Variants in SMG5 observed in about 807,000 individuals in gnomAD.
SMG5 encodes the protein nonsense-mediated mRNA decay factor SMG5.
A neutral mutation model predicts 122.9 loss-of-function variants in SMG5; 53 were observed. The observed-to-expected ratio is 0.43, with a 90% CI of 0.35 to 0.54. SMG5 has a LOEUF of 0.54. Among genes scored for constraint, SMG5 ranks in the 20% least tolerant of loss-of-function variants. The probability of loss-of-function intolerance (pLI) is 0.01; values close to 1 mark genes in which losing one functional copy is unlikely to be tolerated. For missense variants in SMG5, 1,153 were observed against 1,285.6 expected (o/e 0.90, Z 1.58); for synonymous variants, 477 against 490.2 (o/e 0.97, Z 0.35).
In SMG5 at chr1:156,261,370, C is replaced by T. The variant is rs772719573; in HGVS notation, c.2070G>A (p.Leu690=). 7 of 1,614,064 alleles carry T rather than the reference C, an allele frequency of 4.3e-6. No individual in the cohort carries two copies. The East Asian group carries it at 1.6e-4, about 36-fold the overall frequency. Reference sequence around the variant, plus strand: ...GTTCACCAGCAGCAGGCAACAGATTCAGCAACACAGACAGGCGGTTCCACA... The same window carrying T: ...GTTCACCAGCAGCAGGCAACAGATTTAGCAACACAGACAGGCGGTTCCACA... ...QSLWNRLSVL[L]NLLPAAGELQ... is the part of the protein sequence containing the mutation. The change falls in exon 14 of 22, where the codon CTG becomes CTA. Residue 690 remains leucine, a synonymous_variant. Coordinates refer to ENST00000361813, the MANE Select transcript of SMG5 (RefSeq NM_015327.3).
chr1:156,268,063 A>G, intron 9 of SMG5, 52 bp downstream of exon 9: 1 of 1,586,306 alleles, frequency 6.3e-7, no homozygotes, highest in Non-Finnish European at 8.6e-7. Context: ...TCTGTAAAGC[A>G]TCATGGCTGG....
In SMG5 at chr1:156,252,999, G is replaced by C. The variant is rs146257491; in HGVS notation, c.2582C>G (p.Thr861Ser). ...AGGGAGATGGTGGCAGAGGGCCTGG[G>C]TGTCAGGGACGAGGTAGGGAGACAT... ...SAMSPYLVPDTQALCHHLPVI... is the reference protein window; with the variant it reads ...SAMSPYLVPDSQALCHHLPVI... Residue 861 changes from threonine to serine, a missense_variant, in exon 18 of 22, where the codon ACC becomes AGC. Physicochemically the swap from Thr to Ser is moderately conservative, Grantham distance 58 (BLOSUM62 1). This residue lies in a region of SMG5 where 140 missense variants were observed against 227.8 expected (regional missense o/e 0.61). Transcript: ENST00000361813. 1 of 1,613,304 alleles carries C rather than the reference G, an allele frequency of 6.2e-7. No homozygotes were observed. Among genetic ancestry groups the C allele is most frequent in the Non-Finnish European group, 8.5e-7 (1 of 1,179,830 alleles).
At chr1:156,251,373 A>C (rs1282420366) in intron 20 of SMG5, 30 bp downstream of exon 20, 11 of 1,612,626 alleles carry the variant, frequency 6.8e-6, no homozygotes, top group Non-Finnish European at 9.3e-6. Context: ...AGGTGGCCTG[A>C]GGTTCTAGGG....
At chr1:156,260,686 C>T (rs1661783785) in intron 14 of SMG5, 60 bp from the exon 15 acceptor site, 2 of 1,401,860 alleles carry the variant, frequency 1.4e-6, no homozygotes, top group Non-Finnish European at 1.9e-6. Context: ...GTCAGAGAGA[C>T]ATAACCCTTC....
At chr1:156,263,707 G>A in intron 12 of SMG5, 137 bp from the exon 13 acceptor site, 1 of 894,732 alleles carries the variant, frequency 1.1e-6, no homozygotes, top group Non-Finnish European at 1.6e-6. Context: ...AAAAATCTGG[G>A]GAACCACTTA....
Position 156,258,986 on chromosome 1 carries a change from A to G in SMG5, c.2442+19T>C, listed in dbSNP as rs1307266589. On this transcript the variant is annotated intron_variant, in intron 16 of 21. Transcript: ENST00000361813. ...CCCAATGGGAGCAGAGCTGACGGGGAGGGGAAGGCCTGACTCACCATTCGG... is the reference window on the plus strand; with the variant it reads ...CCCAATGGGAGCAGAGCTGACGGGGGGGGGAAGGCCTGACTCACCATTCGG... The G allele has an allele frequency of 6.2e-7, 1 of 1,612,642 alleles. No individual in the cohort carries two copies. The highest frequency in any genetic ancestry group is 1.7e-5 in the Admixed American group (1 of 59,848).
At chr1:156,272,502 G>A in intron 6 of SMG5, 104 bp from the exon 7 acceptor site, 2 of 872,724 alleles carry the variant, frequency 2.3e-6, no homozygotes, top group Non-Finnish European at 3.7e-6. Flanking sequence ...GAGAACAGCT[G>A]GGTCTGCAGG....
At chr1:156,272,254 G>T in intron 7 of SMG5, 66 bp downstream of exon 7, 1 of 1,425,012 alleles carries the variant, frequency 7.0e-7, no homozygotes, top group Non-Finnish European at 9.7e-7. Flanking sequence ...AAGGGAAGAC[G>T]GAAAACAAAG....
intron 19 of SMG5, 114 bp from the exon 20 acceptor site, chr1:156,251,591 A>G: frequency 1.0e-6 from 1 of 996,648 alleles, no homozygotes; most frequent in Non-Finnish European, 1.6e-6. Context: ...GCTGGGGAAC[A>G]TGTCTCTCCC....
the SMG5 span, chr1:156,291,322 C>T: frequency 2.9e-5 from 43 of 1,488,504 alleles, no homozygotes; most frequent in East Asian, 9.8e-4. Context: ...CACCGTCAGC[C>T]TATTGCCAAT....
Position 156,250,434 on chromosome 1 carries a change from G to A in SMG5, c.*153C>T. The A allele has an allele frequency of 2.8e-6, 2 of 709,656 alleles. No individual in the cohort carries two copies. The highest frequency in any genetic ancestry group is 4.9e-6 in the Non-Finnish European group (2 of 404,560). The allele number at this position is 709,656 out of a possible 1,614,324, so 44.0% of individuals were successfully genotyped here. A position where few individuals can be genotyped will look rare whatever the true frequency, so the allele number is the denominator to read the frequency against. On this transcript the variant is annotated 3_prime_UTR_variant, in exon 22 of 22. Transcript: ENST00000361813. ...ACCCCACCCTCCCAGCCGGCTCCTGGGCCCTCCCTGCAGCCTCTGAGCAGC... is the reference window on the plus strand; with the variant it reads ...ACCCCACCCTCCCAGCCGGCTCCTGAGCCCTCCCTGCAGCCTCTGAGCAGC...
At chr1:156,274,155 G>A (rs935630714) in intron 5 of SMG5, among the ~76,000 whole-genome samples, 1 of 152,118 alleles carries the variant, frequency 6.6e-6, no homozygotes, top group African/African-American at 2.4e-5. Context: ...CAGGACGAGA[G>A]GCCCCAGGGG....
chr1:156,272,921 C>CT (rs1662499345), intron 6 of SMG5, among the ~76,000 whole-genome samples: 1 of 152,150 alleles, frequency 6.6e-6, no homozygotes, highest in Non-Finnish European at 1.5e-5. Context: ...CAGGCGTTAC[C>CT]TGAATTGATG....
chr1:156,266,258 G>A lies in SMG5; in HGVS notation c.1378C>T (p.Arg460Cys), dbSNP rs376314067. 23 of 1,614,072 alleles carry A rather than the reference G, an allele frequency of 1.4e-5. No individual in the cohort carries two copies. The highest frequency in any genetic ancestry group is 3.3e-5 in the Admixed American group (2 of 60,010). Residue 460 changes from arginine (R) to cysteine (C), a missense_variant, in exon 12 of 22, where the codon CGC becomes TGC. Physicochemically the swap from Arg to Cys is radical, Grantham distance 180. Around this residue, in one of 5 missense-constraint regions of SMG5, gnomAD observed 631 missense variants for 650.6 expected, o/e 0.97. Transcript: ENST00000361813. The stretch of plus-strand genomic sequence containing the variant: ...ACTTTGGGTGGGTGGCGGCGACGGC[G>A]GAGACAGGAGAGGCGAGAGAACTTA... ...SRKFSRLSCL[R>C]RRRHPPKVGD...
At chr1:156,286,559 G>T, upstream of SMG5, 1 of 1,377,440 alleles carries the variant, frequency 7.3e-7, no homozygotes. Flanking sequence ...CCAGGGTCAG[G>T]AGCTTTCCGG....
At chr1:156,271,136 G>A (rs1558242588) in intron 7 of SMG5, among the ~76,000 whole-genome samples, 1 of 152,254 alleles carries the variant, frequency 6.6e-6, no homozygotes, top group East Asian at 1.9e-4. Flanking sequence ...AGATGAGAGG[G>A]ACCCTCAACA....
the SMG5 span, chr1:156,290,517 A>C: frequency 6.9e-6 from 1 of 144,822 alleles, no homozygotes; most frequent in African/African-American, 2.6e-5. Flanking sequence ...AGCCTGGCTG[A>C]CAGAGACCCC....
intron 10 of SMG5, 127 bp from the exon 11 acceptor site, chr1:156,266,805 T>C: frequency 8.6e-7 from 1 of 1,163,546 alleles, no homozygotes; most frequent in African/African-American, 1.6e-5. Context: ...AAGATTCTTT[T>C]TTTTTTTTTT....
At chr1:156,285,442 G>A, upstream of SMG5, 1 of 1,613,768 alleles carries the variant, frequency 6.2e-7, no homozygotes, top group Non-Finnish European at 8.5e-7. Flanking sequence ...CAGTAAGTGA[G>A]GCTGCCACCT....
Sources: gnomAD v4.1 joint callset for allele counts (sites outside exome capture counted in the v4.1 genomes callset) on GRCh38, gnomAD v4.1.1 for gene constraint, gnomAD v4.1.1 regional missense constraint, MANE v1.5 for transcripts, NCBI Gene and HGNC (gene_info 2026-07-23, HGNC 2026-07-21) for gene names.